Variants in TFR2 observed in about 807,000 individuals in gnomAD.
TFR2 encodes transferrin receptor 2.
Under a neutral mutation model 91.9 loss-of-function variants are expected in TFR2, and 64 were observed. The ratio of observed to expected loss-of-function variants is 0.70; its 90% CI spans 0.57 to 0.86. The LOEUF is 0.86. Ranked by LOEUF, TFR2 falls within the 40% of genes least tolerant of loss-of-function variation. The pLI, the probability that TFR2 is intolerant of heterozygous loss-of-function variation, is 0.00. For synonymous variants in TFR2, 454 were observed against 459.6 expected (o/e 0.99, Z 0.15); for missense variants, 950 against 1,080.5 (o/e 0.88, Z 1.69).
Position 100,620,605 on chromosome 7 carries a change from G to A in TFR2, c.*252C>T, listed in dbSNP as rs1401518268. 8.2e-6 allele frequency: 4 copies of A among 490,436 alleles called. No individual in the cohort carries two copies. Among genetic ancestry groups the A allele is most frequent in the Non-Finnish European group, 1.5e-5 (4 of 271,920 alleles). The allele number at this position is 490,436 out of a possible 1,614,324, so 30.4% of individuals were successfully genotyped here. A position where few individuals can be genotyped will look rare whatever the true frequency, so the allele number is the denominator to read the frequency against. On this transcript the variant is annotated 3_prime_UTR_variant, in exon 18 of 18. Coordinates refer to ENST00000223051, the MANE Select transcript of TFR2 (RefSeq NM_003227.4). ...AGGACCCCAGAAAGGGGAAGGGGCT[G>A]TGATTGAAGGGATGCTACTCTCTGA...
chr7:100,631,764 C>T (rs1445318501), intron 8 of TFR2, 42 bp downstream of exon 8: 1 of 1,596,766 alleles, frequency 6.3e-7, no homozygotes, highest in Admixed American at 1.7e-5. Flanking sequence ...CAGCCTTCCT[C>T]TCTCTGCTTC....
rs752409275 is a variant in TFR2, at chr7:100,620,952, G to A, written c.2311C>T (p.Arg771Cys). 8.7e-6 allele frequency: 14 copies of A among 1,613,692 alleles called. No homozygotes were observed. Among genetic ancestry groups the A allele is most frequent in the African/African-American group, 8.0e-5 (6 of 74,948 alleles). Residue 771 changes from arginine to cysteine, a missense_variant, in exon 18 of 18, where the codon CGT becomes TGT. Arg to Cys is a radical substitution (Grantham distance 180). Transcript: ENST00000223051. ...AGCAGGGCTAGCTGACGCCGGAAACGGCTCTCCTGGAAGCCAGTGGAGGAG... is the reference window on the plus strand; with the variant it reads ...AGCAGGGCTAGCTGACGCCGGAAACAGCTCTCCTGGAAGCCAGTGGAGGAG... ...ATSSTGFQESRFRRQLALLTW... is the reference protein window; with the variant it reads ...ATSSTGFQESCFRRQLALLTW...
chr7:100,626,885 G>T lies in TFR2; in HGVS notation c.2014C>A (p.Gln672Lys), dbSNP rs1051249273. Residue 672 changes from glutamine to lysine, a missense_variant, in exon 17 of 18, where the codon CAG becomes AAG. By Grantham distance (53) the Gln-to-Lys change is moderately conservative. Coordinates refer to ENST00000223051, the MANE Select transcript of TFR2 (RefSeq NM_003227.4). The stretch of plus-strand genomic sequence containing the variant: ...TCCCCCCGCGCCGAGTACACCCACT[G>T]CAGGGTCAGCCCGCGGGCCTGGGGT... ...GDLKARGLTL[Q>K]WVYSARGDYI... The T allele has an allele frequency of 1.3e-6, 2 of 1,543,844 alleles. No individual in the cohort carries two copies. Among genetic ancestry groups the T allele is most frequent in the African/African-American group, 1.4e-5 (1 of 73,022 alleles).
rs1803458966 is a variant in TFR2, at chr7:100,632,178, G to A, written c.870C>T (p.Phe290=). The A allele has an allele frequency of 4.3e-6, 7 of 1,614,038 alleles. 1 individual carries two copies. The highest frequency in any genetic ancestry group is 3.3e-5 in the South Asian group (3 of 91,072). The change falls in exon 7 of 18, where the codon TTC becomes TTT. Residue 290 remains phenylalanine, a synonymous_variant. Coordinates refer to ENST00000223051, the MANE Select transcript of TFR2 (RefSeq NM_003227.4). ...GGTATATGAGCACTCCTTGAGCCCC[G>A]AAGTCCTGAGCATTGGTCACCTGGG... is the stretch of plus-strand genomic sequence containing the variant. The part of the protein sequence containing the change: ...FAQKVTNAQD[F]GAQGVLIYPE...
chr7:100,637,579 G>A (rs572129358), intron 3 of TFR2, among the ~76,000 whole-genome samples: 156 of 152,206 alleles, frequency 1.0e-3, no homozygotes, highest in African/African-American at 3.6e-3. Flanking sequence ...GGGCAACAGA[G>A]TGAGAATTGG....
chr7:100,633,459 C>A lies in TFR2; in HGVS notation c.571G>T (p.Val191Leu). ...CCCACGTAGTGCGTGTCGGTCCACA[C>A]GTGGTCCAGCTTCTGGCGGGAGAGC... The part of the protein sequence containing the change: ...AALSRQKLDH[V>L]WTDTHYVGLQ... The change falls in exon 4 of 18, where the codon GTG becomes TTG. Residue 191 changes from valine (V) to leucine (L), a missense_variant. Val to Leu is a conservative substitution (Grantham distance 32). Transcript: ENST00000223051. 6.2e-7 allele frequency: 1 copy of A among 1,613,010 alleles called. No homozygotes were observed. The highest frequency in any genetic ancestry group is 1.7e-5 in the Admixed American group (1 of 59,990).
Position 100,633,018 on chromosome 7 carries a change from T to A in TFR2, c.832A>T (p.Ile278Phe). ...GRLLLVRVGV[I>F]SFAQKVTNAQ... Reference sequence around the variant, plus strand: ...ACACTTACCTTCTGGGCGAAGCTGATCACCCCCACGCGCACCAGCAGCAGG... The same window carrying A: ...ACACTTACCTTCTGGGCGAAGCTGAACACCCCCACGCGCACCAGCAGCAGG... The change falls in exon 6 of 18, where the codon ATC (isoleucine) becomes TTC (phenylalanine). Residue 278 changes from isoleucine to phenylalanine, a missense_variant. By Grantham distance (21) the Ile-to-Phe change is conservative (BLOSUM62 0). Transcript: ENST00000223051. 1 of 1,613,774 alleles carries A rather than the reference T, an allele frequency of 6.2e-7. No individual in the cohort carries two copies. The highest frequency in any genetic ancestry group is 8.5e-7 in the Non-Finnish European group (1 of 1,179,976).
intron 3 of TFR2, among the ~76,000 whole-genome samples, chr7:100,634,043 C>T (rs968008762): frequency 1.3e-5 from 2 of 151,962 alleles, no homozygotes; most frequent in Non-Finnish European, 2.9e-5. Flanking sequence ...ACCACCAGGG[C>T]GGCGCCGGAG....
rs746704550 is a variant in TFR2, at chr7:100,628,025, G to A, written c.1537+48C>T. On this transcript the variant is annotated intron_variant, in intron 12 of 17. Coordinates refer to ENST00000223051, the MANE Select transcript of TFR2 (RefSeq NM_003227.4). ...CCAGGCTCAGGGCTCAGCCCCAGAG[G>A]CAAGGGTGGACCCCAGGGGGCCAGG... 3 of 1,614,030 alleles carry A rather than the reference G, an allele frequency of 1.9e-6. No individual in the cohort carries two copies. In the African/African-American group the frequency reaches 4.0e-5, roughly 22 times the overall value.
chr7:100,632,738 C>A (rs888346145), intron 6 of TFR2: 3 of 184,816 alleles, frequency 1.6e-5, no homozygotes, highest in Non-Finnish European at 2.9e-5. Flanking sequence ...AAAAAAGAAC[C>A]TTTTTTTTTT....
Position 100,640,980 on chromosome 7 carries a change from A to C in TFR2, c.282T>G (p.Thr94=). Residue 94 remains threonine, a synonymous_variant, in exon 2 of 18, where the codon ACT becomes ACG. Coordinates refer to ENST00000223051, the MANE Select transcript of TFR2 (RefSeq NM_003227.4). ...YLVLTALLIF[T]GAFLLGYVAF... ...GGGGAGGGGGACGGCTCTCACCCCCAGTGAAGATCAGCAGGGCCGTCAGGA... is the reference window on the plus strand; with the variant it reads ...GGGGAGGGGGACGGCTCTCACCCCCCGTGAAGATCAGCAGGGCCGTCAGGA... 6.2e-7 allele frequency: 1 copy of C among 1,610,006 alleles called. No homozygotes were observed. The highest frequency in any genetic ancestry group is 8.5e-7 in the Non-Finnish European group (1 of 1,177,242).
Position 100,634,177 on chromosome 7 carries a change from A to AACACACACACACAC in TFR2, c.474-635_474-622dup, listed in dbSNP as rs3076877. Among the ~76,000 whole-genome samples, 1,045 of 132,744 alleles carry AACACACACACACAC rather than the reference A, an allele frequency of 7.9e-3. 21 individuals are homozygous for AACACACACACACAC. Among genetic ancestry groups the AACACACACACACAC allele is most frequent in the East Asian group, 0.044 (166 of 3,804 alleles). 87.1% of individuals were successfully genotyped at this position (132,744 alleles called of 152,430 possible). On this transcript the variant is annotated intron_variant, in intron 3 of 17. Coordinates refer to ENST00000223051, the MANE Select transcript of TFR2 (RefSeq NM_003227.4). ...CCCCAACCTCGTTCCTCCCGACGTC[A>AACACACACACACAC]ACACACACACACACACACACACACA... is the stretch of plus-strand genomic sequence containing the variant.
At chr7:100,632,738 CTTT>C (rs35046097) in intron 6 of TFR2, 1,558 of 183,766 alleles carry the variant, frequency 8.5e-3, no homozygotes, top group Middle Eastern at 0.017. Flanking sequence ...AAAAAAGAAC[CTTT>C]TTTTTTTTTT....
At chr7:100,634,666 A>G (rs1803540014) in intron 3 of TFR2, among the ~76,000 whole-genome samples, 1 of 152,242 alleles carries the variant, frequency 6.6e-6, no homozygotes, top group Non-Finnish European at 1.5e-5. Context: ...AGTAGCCAGT[A>G]AGGCCCTTTA....
chr7:100,629,847 G>A (rs966187276), intron 9 of TFR2, among the ~76,000 whole-genome samples: 10 of 152,158 alleles, frequency 6.6e-5, no homozygotes, highest in Non-Finnish European at 1.2e-4. Context: ...CCGGGTTCAC[G>A]CCATTCTCCT....
At position 100,631,749 on chromosome 7, in the gene TFR2, C is replaced by T. The variant is rs973694601; in HGVS notation, c.1106+57G>A. The T allele has an allele frequency of 5.1e-6, 8 of 1,581,008 alleles. 1 individual carries two copies. Among genetic ancestry groups the T allele is most frequent in the African/African-American group, 4.1e-5 (3 of 74,020 alleles). On this transcript the variant is annotated intron_variant, in intron 8 of 17. Coordinates refer to ENST00000223051, the MANE Select transcript of TFR2 (RefSeq NM_003227.4). ...TTCACCCACAATCACCCTGTGGCCT[C>T]GCTGCAGCCTTCCTCTCTCTGCTTC...
In TFR2 at chr7:100,629,446, GTCTC is replaced by G. The variant is rs971821768; in HGVS notation, c.1271-78_1271-75del. The G allele has an allele frequency of 1.9e-5, 31 of 1,603,694 alleles. No homozygotes were observed. In the African/African-American group the frequency reaches 3.5e-4, roughly 18 times the overall value. ...CTGGGGGCATCCTCCATCTGCCTGTGTCTCTCAGCCCATCACAATTCCGGCAACC... is the reference window on the plus strand; with the variant it reads ...CTGGGGGCATCCTCCATCTGCCTGTGTCAGCCCATCACAATTCCGGCAACC... On this transcript the variant is annotated intron_variant, in intron 9 of 17. Transcript: ENST00000223051.
At chr7:100,628,343 G>C (rs944189109) in intron 10 of TFR2, 37 bp from the exon 11 acceptor site, 1 of 1,602,278 alleles carries the variant, frequency 6.2e-7, no homozygotes, top group Non-Finnish European at 8.6e-7. Flanking sequence ...GCTTAGCAGG[G>C]GCCAAGCAAA....
intron 3 of TFR2, among the ~76,000 whole-genome samples, chr7:100,636,691 C>T (rs930541888): frequency 3.7e-4 from 57 of 152,108 alleles, no homozygotes. Flanking sequence ...CCTCGCTGTA[C>T]CTGCTCTTCA....
Sources: allele counts gnomAD v4.1 joint callset (sites outside exome capture counted in the v4.1 genomes callset), GRCh38; gene constraint gnomAD v4.1.1; transcripts MANE v1.5; gene names NCBI Gene and HGNC (gene_info 2026-07-23, HGNC 2026-07-21).